Variants in NRG3 observed in about 807,000 individuals in gnomAD.
The protein encoded by NRG3 is pro-neuregulin-3, membrane-bound isoform.
NRG3 carries 31 observed loss-of-function variants against 66.9 expected under a neutral mutation model. The ratio of observed to expected loss-of-function variants is 0.46; its 90% CI spans 0.35 to 0.63. The LOEUF (loss-of-function observed/expected upper bound fraction) is 0.63, where lower values mean the gene tolerates loss of function less well. Ranked by LOEUF, NRG3 falls within the 20% of genes least tolerant of loss-of-function variation. The pLI is 0.00. For synonymous variants in NRG3, 393 were observed against 359.4 expected (o/e 1.09, Z -1.06); for missense variants, 910 against 878.9 (o/e 1.04, Z -0.45).
At chr10:82,658,013 A>G (rs551486417) in intron 2 of NRG3, among the ~76,000 whole-genome samples, 7 of 152,256 alleles carry the variant, frequency 4.6e-5, no homozygotes, top group African/African-American at 1.7e-4. Flanking sequence ...CTCTTCCAGG[A>G]TATTTAAAGA....
At chr10:82,769,303 A>G (rs1413167170) in intron 3 of NRG3, among the ~76,000 whole-genome samples, 1 of 152,098 alleles carries the variant, frequency 6.6e-6, no homozygotes, top group Non-Finnish European at 1.5e-5. Context: ...TTGTACTTAC[A>G]TATTCTAAAT....
intron 2 of NRG3, among the ~76,000 whole-genome samples, chr10:82,538,707 A>G (rs1265156134): frequency 6.6e-6 from 1 of 152,160 alleles, no homozygotes; most frequent in Non-Finnish European, 1.5e-5. Context: ...CACCAGAAAA[A>G]AAAAATTGTT....
At chr10:82,347,484 C>T (rs1263367008) in intron 1 of NRG3, among the ~76,000 whole-genome samples, 1 of 151,510 alleles carries the variant, frequency 6.6e-6, no homozygotes, top group African/African-American at 2.4e-5. Flanking sequence ...GCTTTACTTC[C>T]AACTATGTGG....
intron 1 of NRG3, among the ~76,000 whole-genome samples, chr10:82,139,941 GA>G (rs1274708406): frequency 1.3e-5 from 2 of 151,960 alleles, no homozygotes; most frequent in Non-Finnish European, 2.9e-5. Context: ...TTTCTATATT[GA>G]GCCAGATTTT....
At chr10:82,847,255 A>T (rs763689429) in intron 3 of NRG3, among the ~76,000 whole-genome samples, 4 of 152,222 alleles carry the variant, frequency 2.6e-5, no homozygotes, top group Non-Finnish European at 4.4e-5. Flanking sequence ...CTTATAAAAC[A>T]GCACTGTGTC....
chr10:81,882,281 G>A (rs1363997021), intron 1 of NRG3, among the ~76,000 whole-genome samples: 3 of 152,124 alleles, frequency 2.0e-5, no homozygotes, highest in African/African-American at 7.2e-5. Context: ...TGTGGTGGCA[G>A]CCAGTTGGCT....
chr10:82,211,266 A>G (rs770262777), intron 1 of NRG3, among the ~76,000 whole-genome samples: 3 of 152,190 alleles, frequency 2.0e-5, no homozygotes, highest in Non-Finnish European at 4.4e-5. Flanking sequence ...AGCCTTAACC[A>G]AGCTTTAAAC....
intron 2 of NRG3, among the ~76,000 whole-genome samples, chr10:82,526,947 T>C (rs1209738978): frequency 6.6e-6 from 1 of 152,072 alleles, no homozygotes; most frequent in Non-Finnish European, 1.5e-5. Context: ...TATCACCATT[T>C]TGGAAATGTT....
chr10:82,419,494 G>A (rs774892975), intron 2 of NRG3, among the ~76,000 whole-genome samples: 1 of 152,084 alleles, frequency 6.6e-6, no homozygotes, highest in African/African-American at 2.4e-5. Flanking sequence ...CTGTACTTTT[G>A]CAAGTTACTA....
intron 1 of NRG3, among the ~76,000 whole-genome samples, chr10:82,156,857 A>G (rs1030508599): frequency 6.6e-6 from 1 of 151,690 alleles, no homozygotes; most frequent in Non-Finnish European, 1.5e-5. Context: ...TGAAAGTGTC[A>G]ATCGTCATTA....
intron 2 of NRG3, among the ~76,000 whole-genome samples, chr10:82,458,837 C>T (rs906669025): frequency 4.6e-5 from 7 of 152,184 alleles, no homozygotes; most frequent in African/African-American, 1.4e-4. Context: ...CTCACAGGCT[C>T]ACCTGAGGTA....
At chr10:82,000,461 T>C (rs1015311689) in intron 1 of NRG3, among the ~76,000 whole-genome samples, 4 of 152,094 alleles carry the variant, frequency 2.6e-5, no homozygotes, top group African/African-American at 9.7e-5. Flanking sequence ...CTGGCAGAAA[T>C]GTGAATGGTC....
chr10:82,691,521 G>T (rs1199565496), intron 2 of NRG3, among the ~76,000 whole-genome samples: 1 of 152,170 alleles, frequency 6.6e-6, no homozygotes, highest in Admixed American at 6.6e-5. Context: ...GATTTGTCTA[G>T]AATTATGAGG....
intron 1 of NRG3, among the ~76,000 whole-genome samples, chr10:81,938,250 A>G (rs1450516027): frequency 2.6e-5 from 4 of 152,028 alleles, no homozygotes; most frequent in African/African-American, 9.7e-5. Context: ...AATTAAAAAA[A>G]AAATTTCTGC....
chr10:81,902,732 C>G (rs1371200707), intron 1 of NRG3, among the ~76,000 whole-genome samples: 2 of 152,146 alleles, frequency 1.3e-5, no homozygotes, highest in Admixed American at 1.3e-4. Context: ...AGGTAGGATA[C>G]GTGGTTTACA....
chr10:81,932,959 G>C (rs962124418), intron 1 of NRG3, among the ~76,000 whole-genome samples: 19 of 151,876 alleles, frequency 1.3e-4, no homozygotes, highest in Non-Finnish European at 7.4e-5. Flanking sequence ...GTACAAGAAA[G>C]TTAGCCAGGC....
intron 1 of NRG3, among the ~76,000 whole-genome samples, chr10:82,028,841 G>T (rs141111258): frequency 6.6e-6 from 1 of 152,174 alleles, no homozygotes. Context: ...TTTATGTGGA[G>T]CTCACTCACA....
chr10:82,132,455 A>G (rs1315310071), intron 1 of NRG3, among the ~76,000 whole-genome samples: 1 of 127,232 alleles, frequency 7.9e-6, no homozygotes, highest in Non-Finnish European at 1.6e-5. Context: ...TTTTATATAT[A>G]TATGATATAT....
At chr10:82,503,953 T>C (rs1316227815) in intron 2 of NRG3, among the ~76,000 whole-genome samples, 5 of 152,194 alleles carry the variant, frequency 3.3e-5, no homozygotes, top group African/African-American at 9.6e-5. Flanking sequence ...AAGGTAATCT[T>C]TGAATGTCAT....
Sources: allele counts gnomAD v4.1 joint callset (sites outside exome capture counted in the v4.1 genomes callset), GRCh38; gene constraint gnomAD v4.1.1; transcripts MANE v1.5; gene names NCBI Gene and HGNC (gene_info 2026-07-23, HGNC 2026-07-21).